CEMIP2: variants seen among roughly 807,000 people sequenced by gnomAD.
CEMIP2 encodes the protein cell surface hyaluronidase CEMIP2.
A neutral mutation model predicts 146.9 loss-of-function variants in CEMIP2; 79 were observed. The ratio of observed to expected loss-of-function variants is 0.54; its 90% CI spans 0.45 to 0.65. CEMIP2 has a LOEUF of 0.65. CEMIP2 is among the 30% of genes least tolerant of loss of function. The pLI is 0.00. For synonymous variants in CEMIP2, 601 were observed against 606.3 expected, an observed-to-expected ratio of 0.99 and a Z score of 0.13; for missense variants, 1,596 against 1,696.2, an observed-to-expected ratio of 0.94 and a Z score of 1.04.
At chr9:71,725,081 C>G (rs904230574) in intron 11 of CEMIP2, among the ~76,000 whole-genome samples, 17 of 152,136 alleles carry the variant, frequency 1.1e-4, no homozygotes, top group African/African-American at 4.1e-4. Flanking sequence ...ATATCCTGAA[C>G]AGGGAGGGGT....
intron 22 of CEMIP2, chr9:71,687,439 A>G (rs547948452): frequency 1.3e-5 from 2 of 150,338 alleles, no homozygotes; most frequent in South Asian, 4.2e-4. Flanking sequence ...CTTTAGCAAT[A>G]TATTTAATAA....
chr9:71,716,415 G>A (rs1015719047), intron 14 of CEMIP2, 102 bp downstream of exon 14: 1 of 1,002,096 alleles, frequency 1.0e-6, no homozygotes, highest in South Asian at 1.6e-5. Flanking sequence ...TTTTTTTTAT[G>A]TTAAAAAAAA....
At chr9:71,694,703 G>T in intron 20 of CEMIP2, 96 bp from the exon 21 acceptor site, 2 of 767,476 alleles carry the variant, frequency 2.6e-6, no homozygotes, top group South Asian at 3.1e-5. Flanking sequence ...GCCAGTGGTT[G>T]TATTTCTTAT....
intron 1 of CEMIP2, among the ~76,000 whole-genome samples, chr9:71,758,034 G>T (rs750515473): frequency 3.3e-5 from 5 of 152,032 alleles, no homozygotes; most frequent in African/African-American, 1.2e-4. Context: ...CTTTCTATAC[G>T]TAGTTTAGCA....
intron 21 of CEMIP2, among the ~76,000 whole-genome samples, chr9:71,693,863 A>T: frequency 6.6e-6 from 1 of 152,194 alleles, no homozygotes; most frequent in East Asian, 1.9e-4. Flanking sequence ...AGGTAACAGT[A>T]TTAGCAGGTA....
At chr9:71,757,461 G>A (rs1431283762) in intron 1 of CEMIP2, among the ~76,000 whole-genome samples, 1 of 152,164 alleles carries the variant, frequency 6.6e-6, no homozygotes, top group African/African-American at 2.4e-5. Flanking sequence ...ATTTGGCTAA[G>A]AACATTTTTT....
intron 16 of CEMIP2, among the ~76,000 whole-genome samples, chr9:71,710,410 G>A (rs1164728198): frequency 1.3e-5 from 2 of 152,196 alleles, no homozygotes; most frequent in African/African-American, 4.8e-5. Flanking sequence ...TCTAGGACAA[G>A]TAGCGGCAAG....
At position 71,690,013 on chromosome 9, in the gene CEMIP2, C is replaced by T. The variant is rs1024686781; in HGVS notation, c.3851+79G>A. The T allele has an allele frequency of 3.9e-6, 6 of 1,540,340 alleles. No homozygotes were observed. The African/African-American group carries it at 5.5e-5, about 14-fold the overall frequency. On this transcript the variant is annotated intron_variant, in intron 22 of 23. Coordinates refer to ENST00000377044, the MANE Select transcript of CEMIP2 (RefSeq NM_013390.3). Reference sequence around the variant, plus strand: ...AATGTCCAGAGAGTAAAAAATCGGACTTGACCAGGCATTATCAGTTTGGAG... The same window carrying T: ...AATGTCCAGAGAGTAAAAAATCGGATTTGACCAGGCATTATCAGTTTGGAG...
At chr9:71,706,539 A>C (rs1822744582) in intron 17 of CEMIP2, among the ~76,000 whole-genome samples, 2 of 152,324 alleles carry the variant, frequency 1.3e-5, no homozygotes, top group Admixed American at 1.3e-4. Context: ...AATATTCTCA[A>C]ATACATTAGA....
Position 71,709,493 on chromosome 9 carries a change from A to G in CEMIP2, c.2770-19T>C, listed in dbSNP as rs1309358474. 1 of 1,610,272 alleles carries G rather than the reference A, an allele frequency of 6.2e-7. No homozygotes were observed. Among genetic ancestry groups the G allele is most frequent in the Admixed American group, 1.7e-5 (1 of 59,980 alleles). ...GAGAGACCTGACCACAGTGAAAAAGAAAGACATCACAAAGTGAGGGCTCCT... is the reference window on the plus strand; with the variant it reads ...GAGAGACCTGACCACAGTGAAAAAGGAAGACATCACAAAGTGAGGGCTCCT... On this transcript the variant is annotated intron_variant, in intron 16 of 23. Transcript: ENST00000377044.
chr9:71,758,754 TCTGTTTGCTG>T (rs1190592423), intron 1 of CEMIP2, among the ~76,000 whole-genome samples: 4 of 152,178 alleles, frequency 2.6e-5, no homozygotes, highest in African/African-American at 9.7e-5. Flanking sequence ...CAGGGTGACT[TCTGTTTGCTG>T]CTGTTTGCTG....
chr9:71,704,755 G>T lies in CEMIP2; in HGVS notation c.3034C>A (p.Arg1012=), dbSNP rs780849860. The change falls in exon 18 of 24, where the codon CGA becomes AGA. Residue 1012 remains arginine (R), a synonymous_variant. Transcript: ENST00000377044. ...STQNLSMTIT[R]DEYPSNPMVL... is the part of the protein sequence containing the mutation. ...ATAGGGTTGGACGGATACTCATCTCGTGTAATGGTCATAGAAAGATTCTGA... is the reference window on the plus strand; with the variant it reads ...ATAGGGTTGGACGGATACTCATCTCTTGTAATGGTCATAGAAAGATTCTGA... The T allele has an allele frequency of 1.2e-6, 2 of 1,614,100 alleles. No individual in the cohort carries two copies. The highest frequency in any genetic ancestry group is 1.7e-6 in the Non-Finnish European group (2 of 1,180,018).
At chr9:71,759,574 A>AT (rs1367508714) in intron 1 of CEMIP2, among the ~76,000 whole-genome samples, 2 of 152,152 alleles carry the variant, frequency 1.3e-5, no homozygotes, top group Non-Finnish European at 1.5e-5. Context: ...CTGGTAAAAA[A>AT]GGTTATGGGA....
chr9:71,703,136 C>A (rs1189192535), intron 18 of CEMIP2, among the ~76,000 whole-genome samples: 1 of 152,170 alleles, frequency 6.6e-6, no homozygotes, highest in East Asian at 1.9e-4. Flanking sequence ...GGGGACTGCT[C>A]CACGGAGCCA....
chr9:71,684,120 G>C lies in CEMIP2; in HGVS notation c.*1077C>G, dbSNP rs1449719175. 1 of 152,192 alleles carries C rather than the reference G, an allele frequency of 6.6e-6. No individual in the cohort carries two copies. The highest frequency in any genetic ancestry group is 1.5e-5 in the Non-Finnish European group (1 of 68,036). The allele number at this position is 152,192 out of a possible 1,614,324, so 9.4% of individuals were successfully genotyped here. A position where few individuals can be genotyped will look rare whatever the true frequency, so the allele number is the denominator to read the frequency against. On this transcript the variant is annotated 3_prime_UTR_variant, in exon 24 of 24. Transcript: ENST00000377044. ...TGACTCATTCCTGCAAGGCTTTAAA[G>C]AGGTTCATTTCTGAGTATTCTCTCC...
chr9:71,730,053 G>A lies in CEMIP2; in HGVS notation c.1974C>T (p.Asp658=). ...FGNYIPVPAT[D]CMAVSTFWIA... ...TCTCTCCGCCAATTACTCACATACA[G>A]TCAGTAGCAGGCACAGGAATGTAAT... is the stretch of plus-strand genomic sequence containing the variant. Residue 658 remains aspartate (D), a synonymous_variant, in exon 9 of 24, where the codon GAC becomes GAT. Transcript: ENST00000377044. 6.2e-7 allele frequency: 1 copy of A among 1,614,108 alleles called. No individual in the cohort carries two copies. The highest frequency in any genetic ancestry group is 1.3e-5 in the African/African-American group (1 of 75,012).
Position 71,746,210 on chromosome 9 carries a change from G to C in CEMIP2, c.463C>G (p.Gln155Glu). 1.2e-6 allele frequency: 2 copies of C among 1,613,472 alleles called. No homozygotes were observed. The highest frequency in any genetic ancestry group is 1.7e-6 in the Non-Finnish European group (2 of 1,179,632). Residue 155 changes from glutamine (Q) to glutamate (E), a missense_variant, in exon 3 of 24, where the codon CAG (glutamine) becomes GAG (glutamate). Transcript: ENST00000377044. ...SDATVHSIVIQDGGLLVFGDN... is the reference protein window; with the variant it reads ...SDATVHSIVIEDGGLLVFGDN... Reference sequence around the variant, plus strand: ...AGGAACCATTACCTACCTCCATCCTGAATGACTATAGAATGCACGGTGGCG... The same window carrying C: ...AGGAACCATTACCTACCTCCATCCTCAATGACTATAGAATGCACGGTGGCG...
intron 13 of CEMIP2, among the ~76,000 whole-genome samples, chr9:71,717,657 G>A (rs1390866564): frequency 1.3e-5 from 2 of 152,156 alleles, no homozygotes; most frequent in African/African-American, 4.8e-5. Context: ...TTAGCGCTCT[G>A]ACATAGACCA....
In CEMIP2 at chr9:71,704,993, A is replaced by G. The variant is rs541548863; in HGVS notation, c.2986-190T>C. ...GCAGCCTACTTAAACTAGAAATGGT[A>G]AAAACAGACCATGTGCTCTGCTAGC... On this transcript the variant is annotated intron_variant, in intron 17 of 23. Transcript: ENST00000377044. The G allele has an allele frequency of 6.7e-5, 39 of 585,064 alleles. No homozygotes were observed. In the South Asian group the frequency reaches 7.6e-4, roughly 11 times the overall value. 36.2% of individuals were successfully genotyped at this position (585,064 alleles called of 1,614,324 possible). A position where few individuals can be genotyped will look rare whatever the true frequency, so the allele number is the denominator to read the frequency against.
Sources: allele counts gnomAD v4.1 joint callset (sites outside exome capture counted in the v4.1 genomes callset), GRCh38; gene constraint gnomAD v4.1.1; transcripts MANE v1.5; gene names NCBI Gene and HGNC (gene_info 2026-07-23, HGNC 2026-07-21).